Variants in NRXN1 observed in about 807,000 individuals in gnomAD.
The protein encoded by NRXN1 is neurexin-1.
Under a neutral mutation model 150.9 loss-of-function variants are expected in NRXN1, and 39 were observed. That is an observed-to-expected ratio of 0.26 (90% CI 0.20 to 0.34). The LOEUF is 0.34. Ranked by LOEUF, NRXN1 falls within the 10% of genes least tolerant of loss-of-function variation. The pLI, the probability that NRXN1 is intolerant of heterozygous loss-of-function variation, is 1.00. For missense variants in NRXN1, 1,815 were observed against 1,949.9 expected, an observed-to-expected ratio of 0.93 and a Z score of 1.30; for synonymous variants, 924 against 757.0, an observed-to-expected ratio of 1.22 and a Z score of -3.62.
Position 49,918,518 on chromosome 2 carries a change from G to T in NRXN1, c.*3426C>A, listed in dbSNP as rs949346469. 1.3e-5 allele frequency: 2 copies of T among 152,034 alleles called. No individual in the cohort carries two copies. The highest frequency in any genetic ancestry group is 4.8e-5 in the African/African-American group (2 of 41,404). 9.4% of individuals were successfully genotyped at this position (152,034 alleles called of 1,614,324 possible). ...TAGTAACGAGTATGTGATAGTGTTGGAATTTAATCACAGGTTTACTTAACT... is the reference window on the plus strand; with the variant it reads ...TAGTAACGAGTATGTGATAGTGTTGTAATTTAATCACAGGTTTACTTAACT... On this transcript the variant is annotated 3_prime_UTR_variant, in exon 23 of 23. Transcript: ENST00000401669.
At chr2:50,974,234 C>T (rs968184878) in intron 2 of NRXN1, among the ~76,000 whole-genome samples, 1 of 152,218 alleles carries the variant, frequency 6.6e-6, no homozygotes, top group Middle Eastern at 3.4e-3. Flanking sequence ...ACTTTTGGTA[C>T]AAAATGCCAG....
intron 19 of NRXN1, among the ~76,000 whole-genome samples, chr2:50,056,335 C>T (rs898791104): frequency 2.6e-5 from 4 of 152,058 alleles, no homozygotes; most frequent in Admixed American, 2.6e-4. Context: ...TGATTACACA[C>T]TTTTGGAGAG....
At chr2:50,184,957 T>C (rs1308216567) in intron 18 of NRXN1, among the ~76,000 whole-genome samples, 1 of 152,108 alleles carries the variant, frequency 6.6e-6, no homozygotes, top group Admixed American at 6.6e-5. Context: ...AAAGCCTTCC[T>C]CTTTAGCGCC....
intron 10 of NRXN1, 23 bp from the exon 11 acceptor site, chr2:50,531,453 A>G (rs1188136544): frequency 4.4e-6 from 7 of 1,581,520 alleles, no homozygotes; most frequent in Admixed American, 3.5e-5. Flanking sequence ...AATGAATATG[A>G]TAAGTTCTTG....
chr2:51,006,992 GA>G lies in NRXN1; in HGVS notation c.772+20509del, dbSNP rs201889684. On this transcript the variant is annotated intron_variant, in intron 2 of 22. Transcript: ENST00000401669. Reference sequence around the variant, plus strand: ...CACCTATAATCTATGAACACCAATAGAGCAGTGACCTGCCTATCTGATGACA... The same window carrying G: ...CACCTATAATCTATGAACACCAATAGGCAGTGACCTGCCTATCTGATGACA... 8.6e-3 allele frequency among the ~76,000 whole-genome samples: 1,307 copies of G among 151,910 alleles called. 22 individuals are homozygous for G. The highest frequency in any genetic ancestry group is 0.029 in the African/African-American group (1,221 of 41,484).
At chr2:50,667,665 G>T (rs1277019552) in intron 5 of NRXN1, among the ~76,000 whole-genome samples, 1 of 151,850 alleles carries the variant, frequency 6.6e-6, no homozygotes, top group Non-Finnish European at 1.5e-5. Context: ...TCTAAGAAAC[G>T]TTCTCTATTG....
chr2:50,885,881 G>C (rs879440872), intron 5 of NRXN1, among the ~76,000 whole-genome samples: 2 of 149,438 alleles, frequency 1.3e-5, no homozygotes, highest in Non-Finnish European at 3.0e-5. Flanking sequence ...AGTCCAAAGA[G>C]ATTTGAGTTA....
chr2:50,914,159 G>C lies in NRXN1; in HGVS notation c.832+7710C>G, dbSNP rs1684899993. On this transcript the variant is annotated intron_variant, in intron 5 of 22. Coordinates refer to ENST00000401669, the MANE Select transcript of NRXN1 (RefSeq NM_001330078.2). Reference sequence around the variant, plus strand: ...CAGGTTCTATGGCTTAGGACAGCCGGCTGTGGACCTGGACGCACTGATAAG... The same window carrying C: ...CAGGTTCTATGGCTTAGGACAGCCGCCTGTGGACCTGGACGCACTGATAAG... 2.0e-5 allele frequency among the ~76,000 whole-genome samples: 3 copies of C among 151,670 alleles called. No individual in the cohort carries two copies. In the South Asian group the frequency reaches 6.2e-4, roughly 31 times the overall value.
At chr2:50,268,028 A>G (rs2069106232) in intron 17 of NRXN1, among the ~76,000 whole-genome samples, 1 of 152,074 alleles carries the variant, frequency 6.6e-6, no homozygotes, top group Admixed American at 6.6e-5. Context: ...CGTCTCTACC[A>G]AAATACAAAA....
chr2:50,251,785 A>T (rs1329245757), intron 17 of NRXN1, among the ~76,000 whole-genome samples: 1 of 152,190 alleles, frequency 6.6e-6, no homozygotes, highest in African/African-American at 2.4e-5. Flanking sequence ...ATGATCAGTG[A>T]TGTTGAACGT....
At chr2:50,907,277 T>G (rs1044801144) in intron 5 of NRXN1, among the ~76,000 whole-genome samples, 2 of 152,056 alleles carry the variant, frequency 1.3e-5, no homozygotes, top group African/African-American at 4.8e-5. Context: ...CAATCACATT[T>G]CTACATGGCG....
intron 15 of NRXN1, among the ~76,000 whole-genome samples, chr2:50,484,750 A>T (rs930373777): frequency 1.3e-5 from 2 of 152,238 alleles, no homozygotes; most frequent in Non-Finnish European, 2.9e-5. Context: ...TATGCAAGGC[A>T]TTGGGGAGAG....
intron 21 of NRXN1, among the ~76,000 whole-genome samples, chr2:49,946,652 T>A (rs1157935888): frequency 1.3e-5 from 2 of 152,156 alleles, no homozygotes; most frequent in African/African-American, 4.8e-5. Flanking sequence ...CCTTTCCTCA[T>A]TCCTTGTTTT....
chr2:50,367,815 C>T (rs1272791499), intron 17 of NRXN1, among the ~76,000 whole-genome samples: 3 of 152,114 alleles, frequency 2.0e-5, no homozygotes, highest in East Asian at 1.9e-4. Context: ...ACCTATTTGG[C>T]AAATGCTGTT....
chr2:50,527,064 T>G (rs893922219), intron 12 of NRXN1, among the ~76,000 whole-genome samples: 2 of 152,226 alleles, frequency 1.3e-5, no homozygotes, highest in African/African-American at 4.8e-5. Flanking sequence ...TGCTATACTT[T>G]GCATAGTTAT....
At chr2:50,466,334 A>G in intron 16 of NRXN1, 1 of 381,052 alleles carries the variant, frequency 2.6e-6, no homozygotes, top group South Asian at 2.0e-5. Context: ...ACAACGTTCA[A>G]GAAAGGAAAA....
At chr2:50,041,926 C>A (rs1691036490) in intron 21 of NRXN1, among the ~76,000 whole-genome samples, 2 of 152,116 alleles carry the variant, frequency 1.3e-5, no homozygotes, top group East Asian at 1.9e-4. Flanking sequence ...AATTATGCCA[C>A]TTTGGGCCCG....
Position 50,287,741 on chromosome 2 carries a change from G to A in NRXN1, c.3365-50771C>T, listed in dbSNP as rs1422480561. On this transcript the variant is annotated intron_variant, in intron 17 of 22. Coordinates refer to ENST00000401669, the MANE Select transcript of NRXN1 (RefSeq NM_001330078.2). ...ATTTAAAAGTACATTTTAAACAGAT[G>A]AAAATAAGTGTTAGTTGCTTGCTGA... 2.6e-5 allele frequency among the ~76,000 whole-genome samples: 4 copies of A among 152,184 alleles called. No homozygotes were observed. The East Asian group carries it at 7.7e-4, about 29-fold the overall frequency.
chr2:50,182,194 T>C (rs1273388761), intron 18 of NRXN1, among the ~76,000 whole-genome samples: 1 of 151,626 alleles, frequency 6.6e-6, no homozygotes, highest in East Asian at 1.9e-4. Context: ...ACTATCGGTT[T>C]GGCACAAAAT....
Sources: allele counts gnomAD v4.1 joint callset (sites outside exome capture counted in the v4.1 genomes callset), GRCh38; gene constraint gnomAD v4.1.1; transcripts MANE v1.5; gene names NCBI Gene and HGNC (gene_info 2026-07-23, HGNC 2026-07-21).